The following INO80 variants were observed in gnomAD, a reference collection of about 807,000 sequenced individuals.
INO80 encodes the protein INO80 complex ATPase subunit.
INO80 carries 20 observed loss-of-function variants against 203.4 expected under a neutral mutation model. That is an observed-to-expected ratio of 0.10 (90% confidence interval 0.07 to 0.14). The LOEUF is 0.14. Ranked by LOEUF, INO80 falls within the 10% of genes least tolerant of loss-of-function variation. INO80 has a pLI of 1.00. For synonymous variants in INO80, 726 were observed against 685.2 expected, an observed-to-expected ratio of 1.06 and a Z score of -0.93; for missense variants, 1,419 against 1,914.4, an observed-to-expected ratio of 0.74 and a Z score of 4.83.
At chr15:41,085,934 A>G (rs964547936) in intron 6 of INO80, among the ~76,000 whole-genome samples, 2 of 152,034 alleles carry the variant, frequency 1.3e-5, no homozygotes, top group Non-Finnish European at 2.9e-5. Flanking sequence ...ATCTCGGCTC[A>G]CTGCAACCTC....
Position 41,073,542 on chromosome 15 carries a change from G to T in INO80, c.1328-47C>A, listed in dbSNP as rs190617141. On this transcript the variant is annotated intron_variant, in intron 10 of 35. Coordinates refer to ENST00000648947, the MANE Select transcript of INO80 (RefSeq NM_017553.3). ...TTATCACACTTTATCAACTGATTTT[G>T]TTCTAAGATACAATTAACACCAATG... 9.6e-5 allele frequency: 139 copies of T among 1,447,826 alleles called. No individual in the cohort carries two copies. In the African/African-American group the frequency reaches 1.3e-3, roughly 14 times the overall value. 89.7% of individuals were successfully genotyped at this position (1,447,826 alleles called of 1,614,324 possible).
chr15:41,068,537 G>A (rs1596307219), intron 14 of INO80, among the ~76,000 whole-genome samples: 1 of 151,968 alleles, frequency 6.6e-6, no homozygotes, highest in South Asian at 2.1e-4. Flanking sequence ...CTCTAGCCTG[G>A]GTAACAAGAG....
Position 41,073,444 on chromosome 15 carries a change from T to C in INO80, c.1379A>G (p.His460Arg), listed in dbSNP as rs376869883. The change falls in exon 11 of 36, where the codon CAT becomes CGT. Residue 460 changes from histidine (H) to arginine (R), a missense_variant. By Grantham distance (29) the His-to-Arg change is conservative (BLOSUM62 0). Transcript: ENST00000648947. ...AAGACTCACCCGAGCTTGGTGAATA[T>C]GGTAAGCATTTTCAGCATTCTTCAG... ...QALKNAENAY[H>R]IHQARTRSFD... 2.5e-5 allele frequency: 40 copies of C among 1,614,016 alleles called. No homozygotes were observed. The highest frequency in any genetic ancestry group is 8.0e-5 in the African/African-American group (6 of 74,940).
At chr15:40,998,061 G>T (rs886093713) in intron 28 of INO80, among the ~76,000 whole-genome samples, 1 of 116,662 alleles carries the variant, frequency 8.6e-6, no homozygotes, top group Non-Finnish European at 1.6e-5. Flanking sequence ...TTGTTCTGTC[G>T]CCCAGGCTGG....
chr15:41,035,453 A>T (rs2044555173), intron 24 of INO80, among the ~76,000 whole-genome samples: 1 of 151,498 alleles, frequency 6.6e-6, no homozygotes, highest in Admixed American at 6.6e-5. Flanking sequence ...TTGAGCCCCA[A>T]AGGTGGAGGT....
At chr15:41,040,352 T>C (rs542964541) in intron 24 of INO80, among the ~76,000 whole-genome samples, 3 of 152,288 alleles carry the variant, frequency 2.0e-5, no homozygotes, top group Non-Finnish European at 2.9e-5. Flanking sequence ...CTTATTAAGA[T>C]AGAGTAGCAC....
intron 31 of INO80, among the ~76,000 whole-genome samples, chr15:40,986,423 C>T (rs2043734154): frequency 6.9e-6 from 1 of 143,912 alleles, no homozygotes; most frequent in Admixed American, 7.4e-5. Flanking sequence ...CTCCTAGCTT[C>T]AAGGGATTCT....
chr15:41,055,467 C>A (rs965461005), intron 17 of INO80, 103 bp from the exon 18 acceptor site: 23 of 532,196 alleles, frequency 4.3e-5, no homozygotes, highest in African/African-American at 4.2e-4. Flanking sequence ...TGTGTAAGTG[C>A]CTAGATGCAT....
At chr15:40,996,813 A>G (rs1236637129) in intron 29 of INO80, among the ~76,000 whole-genome samples, 2 of 152,264 alleles carry the variant, frequency 1.3e-5, no homozygotes, top group Non-Finnish European at 2.9e-5. Context: ...GGAATAATGC[A>G]TAAGAGTAAC....
At chr15:40,985,835 G>C (rs1353762208) in intron 31 of INO80, among the ~76,000 whole-genome samples, 1 of 152,152 alleles carries the variant, frequency 6.6e-6, no homozygotes, top group Non-Finnish European at 1.5e-5. Flanking sequence ...CTGAGCCCAG[G>C]AAGTGGAGGT....
Position 41,069,630 on chromosome 15 carries a change from T to C in INO80, c.1722A>G (p.Ser574=). ...ENIWGPFLII[S]PASTLNNWHQ... ...GCCAATTGTTAAGTGTAGACGCAGGTGAAATTATTAAGAAAGGTCCCCAAA... is the reference window on the plus strand; with the variant it reads ...GCCAATTGTTAAGTGTAGACGCAGGCGAAATTATTAAGAAAGGTCCCCAAA... The change falls in exon 14 of 36, where the codon TCA becomes TCG. Residue 574 remains serine, a synonymous_variant. Transcript: ENST00000648947. The C allele has an allele frequency of 2.5e-6, 4 of 1,611,348 alleles. No homozygotes were observed. The highest frequency in any genetic ancestry group is 3.4e-6 in the Non-Finnish European group (4 of 1,178,598).
chr15:41,012,562 A>T (rs796831875), intron 27 of INO80, among the ~76,000 whole-genome samples: 2 of 4,704 alleles, frequency 4.3e-4, no homozygotes, highest in African/African-American at 1.4e-3. Context: ...GACTCTTTTT[A>T]AAAAAAAAAA....
intron 1 of INO80, among the ~76,000 whole-genome samples, chr15:41,110,833 C>G (rs2045948824): frequency 1.3e-5 from 2 of 152,210 alleles, no homozygotes. Context: ...AACTTTTCAT[C>G]AAGATGGTGA....
chr15:41,114,649 C>G (rs1183159227), intron 1 of INO80, among the ~76,000 whole-genome samples: 1 of 148,666 alleles, frequency 6.7e-6, no homozygotes, highest in South Asian at 2.1e-4. Flanking sequence ...GCGGAGGTCG[C>G]AGTGAGTCGG....
In INO80 at chr15:40,987,991, A is replaced by G; in HGVS notation, c.3571-17T>C. 6.3e-7 allele frequency: 1 copy of G among 1,599,928 alleles called. No homozygotes were observed. Among genetic ancestry groups the G allele is most frequent in the East Asian group, 2.2e-5 (1 of 44,626 alleles). ...GAAAATCACCTGCATAGAATATAGC[A>G]AAAACTGAAGCACTCTTAGGGAAGG... On this transcript the variant is annotated splice_polypyrimidine_tract_variant and intron_variant, in intron 29 of 35. Coordinates refer to ENST00000648947, the MANE Select transcript of INO80 (RefSeq NM_017553.3).
chr15:40,983,883 G>T lies in INO80; in HGVS notation c.4116C>A (p.Pro1372=). Residue 1372 remains proline (P), a synonymous_variant, in exon 34 of 36, where the codon CCC becomes CCA. Transcript: ENST00000648947. ...ISSELHTGSI[P]LDESSSDMLV... ...GCATGTCACTGCTGCTCTCGTCCAG[G>T]GGAATGGAGCCAGTGTGCAGCTCAC... 1 of 1,613,624 alleles carries T rather than the reference G, an allele frequency of 6.2e-7. No homozygotes were observed.
At chr15:41,110,420 G>T (rs2045942281) in intron 1 of INO80, among the ~76,000 whole-genome samples, 1 of 151,638 alleles carries the variant, frequency 6.6e-6, no homozygotes, top group African/African-American at 2.4e-5. Context: ...TGGGATTACA[G>T]ATTTAAGAAG....
intron 27 of INO80, 97 bp from the exon 28 acceptor site, chr15:41,005,784 G>T: frequency 1.6e-6 from 1 of 627,098 alleles, no homozygotes. Flanking sequence ...GTCCACACTG[G>T]AGGCAAGCCA....
intron 29 of INO80, among the ~76,000 whole-genome samples, chr15:40,994,879 C>T (rs1289231233): frequency 6.6e-6 from 1 of 152,010 alleles, no homozygotes; most frequent in African/African-American, 2.4e-5. Flanking sequence ...CAAACTGTTC[C>T]AGGTACTAGA....
Sources: allele counts gnomAD v4.1 joint callset (sites outside exome capture counted in the v4.1 genomes callset), GRCh38; gene constraint gnomAD v4.1.1; transcripts MANE v1.5; gene names NCBI Gene and HGNC (gene_info 2026-07-23, HGNC 2026-07-21).